Variants in OXCT1 observed in about 807,000 individuals in gnomAD.
The protein encoded by OXCT1 is 3-oxoacid CoA-transferase 1.
A neutral mutation model predicts 69.6 loss-of-function variants in OXCT1; 27 were observed. The observed-to-expected ratio is 0.39, with a 90% CI of 0.29 to 0.54. OXCT1 has a LOEUF of 0.54. OXCT1 is among the 20% of genes least tolerant of loss of function. The pLI, the probability that OXCT1 is intolerant of heterozygous loss-of-function variation, is 0.72. For missense variants in OXCT1, 437 were observed against 650.2 expected (o/e 0.67, Z 3.57); for synonymous variants, 202 against 217.8 (o/e 0.93, Z 0.64).
intron 13 of OXCT1, among the ~76,000 whole-genome samples, chr5:41,793,323 C>G (rs1477748151): frequency 6.6e-6 from 1 of 152,200 alleles, no homozygotes; most frequent in Non-Finnish European, 1.5e-5. Context: ...CATAAACATA[C>G]CCATTATTGT....
chr5:41,744,689 T>A (rs1006590134), intron 15 of OXCT1, among the ~76,000 whole-genome samples: 1 of 152,156 alleles, frequency 6.6e-6, no homozygotes, highest in African/African-American at 2.4e-5. Flanking sequence ...TGTCGAATTT[T>A]GTCAAAGGCC....
At chr5:41,848,139 GACAA>G (rs1316574508) in intron 5 of OXCT1, among the ~76,000 whole-genome samples, 3 of 149,562 alleles carry the variant, frequency 2.0e-5, no homozygotes, top group South Asian at 2.1e-4. Flanking sequence ...ACCAATAACA[GACAA>G]ACAGAGAGCC....
chr5:41,746,102 G>T (rs1743473509), intron 15 of OXCT1, among the ~76,000 whole-genome samples: 1 of 152,066 alleles, frequency 6.6e-6, no homozygotes, highest in Non-Finnish European at 1.5e-5. Flanking sequence ...AACAAAAAAA[G>T]AGAATTTTAG....
intron 1 of OXCT1, among the ~76,000 whole-genome samples, chr5:41,868,935 G>A (rs190594092): frequency 1.2e-3 from 180 of 152,252 alleles, no homozygotes; most frequent in African/African-American, 4.2e-3. Flanking sequence ...TACTCAAGAT[G>A]GAAAAGACTT....
intron 13 of OXCT1, among the ~76,000 whole-genome samples, chr5:41,790,301 A>T (rs1023628764): frequency 6.6e-6 from 1 of 152,248 alleles, no homozygotes; most frequent in Admixed American, 6.5e-5. Context: ...AGAAAGCACT[A>T]GAGCAGCTCT....
At position 41,842,800 on chromosome 5, in the gene OXCT1, G is replaced by T. The variant is rs775385008; in HGVS notation, c.565-19C>A. The T allele has an allele frequency of 2.7e-6, 4 of 1,472,808 alleles. No individual in the cohort carries two copies. Among genetic ancestry groups the T allele is most frequent in the African/African-American group, 2.8e-5 (2 of 72,166 alleles). The allele number at this position is 1,472,808 out of a possible 1,614,324, so 91.2% of individuals were successfully genotyped here. On this transcript the variant is annotated intron_variant, in intron 5 of 16. Coordinates refer to ENST00000196371, the MANE Select transcript of OXCT1 (RefSeq NM_000436.4). Reference sequence around the variant, plus strand: ...CCCTCACCTGCAGAAGAGGGAGAAGGCATCATCAGGTATTTGCATAGGTCT... The same window carrying T: ...CCCTCACCTGCAGAAGAGGGAGAAGTCATCATCAGGTATTTGCATAGGTCT...
At chr5:41,842,911 C>T (rs948747178) in intron 5 of OXCT1, 130 bp from the exon 6 acceptor site, 1 of 750,056 alleles carries the variant, frequency 1.3e-6, no homozygotes, top group Non-Finnish European at 2.4e-6. Context: ...AAAAGCATCC[C>T]AGAGACTTCA....
intron 7 of OXCT1, among the ~76,000 whole-genome samples, chr5:41,815,170 G>GA (rs1388312656): frequency 1.3e-5 from 2 of 151,908 alleles, no homozygotes; most frequent in African/African-American, 4.8e-5. Context: ...ATAATGATCT[G>GA]AAAAAAGTAG....
intron 6 of OXCT1, among the ~76,000 whole-genome samples, chr5:41,841,891 G>C (rs1052179444): frequency 6.6e-6 from 1 of 152,108 alleles, no homozygotes; most frequent in African/African-American, 2.4e-5. Context: ...GTATCACTGA[G>C]AACTTAACTG....
chr5:41,774,398 A>T (rs143488486), intron 13 of OXCT1, among the ~76,000 whole-genome samples: 17 of 152,360 alleles, frequency 1.1e-4, no homozygotes, highest in African/African-American at 3.6e-4. Flanking sequence ...TTGGTTTTCT[A>T]TATGTCGTTC....
At chr5:41,732,728 A>G (rs1742693739) in intron 16 of OXCT1, among the ~76,000 whole-genome samples, 1 of 152,238 alleles carries the variant, frequency 6.6e-6, no homozygotes, top group Non-Finnish European at 1.5e-5. Context: ...AAATGAATGA[A>G]TAAGTAGATA....
intron 9 of OXCT1, among the ~76,000 whole-genome samples, chr5:41,804,476 G>A (rs1317498503): frequency 6.6e-6 from 1 of 152,062 alleles, no homozygotes; most frequent in East Asian, 1.9e-4. Flanking sequence ...TACAATAACT[G>A]AATAAAGAAC....
At chr5:41,853,134 G>A (rs1749260798) in intron 4 of OXCT1, among the ~76,000 whole-genome samples, 2 of 152,150 alleles carry the variant, frequency 1.3e-5, no homozygotes, top group South Asian at 2.1e-4. Flanking sequence ...AAACATTCCA[G>A]CAAATCCTTT....
chr5:41,864,641 C>G (rs1749881405), intron 1 of OXCT1, among the ~76,000 whole-genome samples: 1 of 152,168 alleles, frequency 6.6e-6, no homozygotes, highest in Non-Finnish European at 1.5e-5. Context: ...TTTCACAGGT[C>G]AAATTTTTGA....
At chr5:41,745,694 G>A (rs571123663) in intron 15 of OXCT1, among the ~76,000 whole-genome samples, 18 of 151,926 alleles carry the variant, frequency 1.2e-4, no homozygotes, top group African/African-American at 2.2e-4. Context: ...TCAAATAGAC[G>A]CAATAAAAAA....
At chr5:41,768,015 G>GTTTCA (rs1744701263) in intron 13 of OXCT1, among the ~76,000 whole-genome samples, 1 of 151,882 alleles carries the variant, frequency 6.6e-6, no homozygotes, top group South Asian at 2.1e-4. Context: ...AACTGCCCCT[G>GTTTCA]TCTCTGATGA....
At chr5:41,773,857 A>G (rs546281843) in intron 13 of OXCT1, among the ~76,000 whole-genome samples, 3 of 152,248 alleles carry the variant, frequency 2.0e-5, no homozygotes, top group Non-Finnish European at 4.4e-5. Context: ...TGAATGTTAA[A>G]TGTGTGAAAA....
intron 16 of OXCT1, among the ~76,000 whole-genome samples, chr5:41,733,686 T>C (rs1263716003): frequency 1.3e-5 from 2 of 152,216 alleles, no homozygotes; most frequent in African/African-American, 4.8e-5. Flanking sequence ...TATTTTGAGC[T>C]CTTAATGTCA....
chr5:41,820,146 A>G (rs2112327486), intron 7 of OXCT1, among the ~76,000 whole-genome samples: 1 of 152,332 alleles, frequency 6.6e-6, no homozygotes, highest in East Asian at 1.9e-4. Context: ...ACAAAATCAC[A>G]AAAGAAATAG....
Sources: gnomAD v4.1 joint callset for allele counts (sites outside exome capture counted in the v4.1 genomes callset) on GRCh38, gnomAD v4.1.1 for gene constraint, MANE v1.5 for transcripts, NCBI Gene and HGNC (gene_info 2026-07-23, HGNC 2026-07-21) for gene names.